TAB2: variants seen among roughly 807,000 people sequenced by gnomAD.
TAB2 encodes the protein TGF-beta activated kinase 1 (MAP3K7) binding protein 2.
In TAB2, 3 loss-of-function variants were observed where a neutral mutation model predicts 65.0. The observed-to-expected ratio is 0.05, with a 90% CI of 0.02 to 0.12. The LOEUF (loss-of-function observed/expected upper bound fraction) is 0.12. TAB2 is among the 10% of genes least tolerant of loss of function. The pLI is 1.00. For synonymous variants in TAB2, 298 were observed against 285.1 expected, an observed-to-expected ratio of 1.05 and a Z score of -0.46; for missense variants, 623 against 840.3, an observed-to-expected ratio of 0.74 and a Z score of 3.20.
intron 1 of TAB2, among the ~76,000 whole-genome samples, chr6:149,260,738 G>A (rs1234934999): frequency 6.6e-6 from 1 of 152,182 alleles, no homozygotes; most frequent in Admixed American, 6.5e-5. Flanking sequence ...AGCCTGCTGG[G>A]TGCTGAAAGT....
At chr6:149,407,636 A>G (rs1782709784) in intron 6 of TAB2, among the ~76,000 whole-genome samples, 1 of 152,154 alleles carries the variant, frequency 6.6e-6, no homozygotes, top group African/African-American at 2.4e-5. Context: ...ATGAATAGAA[A>G]TTTAGTCCTT....
chr6:149,315,921 G>A (rs1276462194), upstream of TAB2, among the ~76,000 whole-genome samples: 5 of 152,072 alleles, frequency 3.3e-5, no homozygotes, highest in Non-Finnish European at 7.4e-5. Flanking sequence ...ATACGTACAT[G>A]TACATTCCAT....
At chr6:149,356,601 T>C (rs960104004) in intron 1 of TAB2, among the ~76,000 whole-genome samples, 3 of 152,138 alleles carry the variant, frequency 2.0e-5, no homozygotes, top group African/African-American at 7.2e-5. Context: ...CTCGGGCCTC[T>C]TTTATAAGGC....
At chr6:149,393,843 AT>A (rs59155428) in intron 3 of TAB2, among the ~76,000 whole-genome samples, 19,535 of 151,998 alleles carry the variant, frequency 0.13, 1,327 homozygotes, top group African/African-American at 0.18. Context: ...CTAAAGTCAG[AT>A]TTTTTTCTGA....
intron 1 of TAB2, among the ~76,000 whole-genome samples, chr6:149,348,209 A>T (rs1780365686): frequency 6.6e-6 from 1 of 152,078 alleles, no homozygotes; most frequent in Non-Finnish European, 1.5e-5. Flanking sequence ...CCTTGGCAAT[A>T]TAGGGAGAGC....
chr6:149,340,739 T>C (rs988257976), intron 1 of TAB2, among the ~76,000 whole-genome samples: 2 of 152,202 alleles, frequency 1.3e-5, no homozygotes, highest in African/African-American at 4.8e-5. Flanking sequence ...AGGAATGCAG[T>C]AATTCAGTCT....
intron 1 of TAB2, among the ~76,000 whole-genome samples, chr6:149,309,272 T>TTTACATATAC (rs1779125122): frequency 2.0e-5 from 3 of 151,710 alleles, no homozygotes; most frequent in Non-Finnish European, 2.9e-5. Flanking sequence ...ATATATGCTG[T>TTTACATATAC]TTTACATATG....
intron 1 of TAB2, among the ~76,000 whole-genome samples, chr6:149,226,594 A>G (rs1220161801): frequency 2.0e-5 from 3 of 152,334 alleles, no homozygotes; most frequent in East Asian, 1.9e-4. Flanking sequence ...CTCCTCGGGA[A>G]CAAGTCAGAA....
upstream of TAB2, among the ~76,000 whole-genome samples, chr6:149,218,470 T>G (rs1453117696): frequency 6.6e-6 from 1 of 152,224 alleles, no homozygotes; most frequent in Non-Finnish European, 1.5e-5. Flanking sequence ...AGAGTGGCAT[T>G]AAGCCTGAAA....
At chr6:149,284,907 A>G (rs1443758792) in intron 1 of TAB2, among the ~76,000 whole-genome samples, 1 of 152,154 alleles carries the variant, frequency 6.6e-6, no homozygotes, top group African/African-American at 2.4e-5. Context: ...TGCCAAGTCC[A>G]TCATCCCCAC....
intron 1 of TAB2, among the ~76,000 whole-genome samples, chr6:149,237,852 G>T (rs953202639): frequency 6.6e-6 from 1 of 152,076 alleles, no homozygotes; most frequent in African/African-American, 2.4e-5. Context: ...CAAGCACCAC[G>T]CCACCCCACT....
At position 149,379,536 on chromosome 6, in the gene TAB2, G is replaced by A. The variant is rs1781540421; in HGVS notation, c.1603+18G>A. The A allele has an allele frequency of 1.2e-6, 2 of 1,613,382 alleles. No individual in the cohort carries two copies. The highest frequency in any genetic ancestry group is 8.5e-7 in the Non-Finnish European group (1 of 1,179,530). On this transcript the variant is annotated intron_variant, in intron 3 of 6. Transcript: ENST00000637181. ...CACACAAGGTAATATGAATACTAAAGGTGGGATGGTTTTCCATGCTGGGCT... is the reference window on the plus strand; with the variant it reads ...CACACAAGGTAATATGAATACTAAAAGTGGGATGGTTTTCCATGCTGGGCT...
intron 1 of TAB2, among the ~76,000 whole-genome samples, chr6:149,259,739 G>A (rs2114665947): frequency 6.6e-6 from 1 of 152,282 alleles, no homozygotes; most frequent in Admixed American, 6.5e-5. Context: ...ATGGTGCTGA[G>A]AGGTCCATCA....
intron 1 of TAB2, among the ~76,000 whole-genome samples, chr6:149,280,947 AAAAG>A (rs1465445820): frequency 1.3e-5 from 2 of 151,868 alleles, no homozygotes; most frequent in African/African-American, 2.4e-5. Flanking sequence ...AAAAAAAAAA[AAAAG>A]AAGTTGAAAG....
chr6:149,368,680 T>TGTGTGTGTGTGTG (rs1781121778), intron 1 of TAB2, among the ~76,000 whole-genome samples: 1 of 149,264 alleles, frequency 6.7e-6, no homozygotes, highest in African/African-American at 2.4e-5. Flanking sequence ...TGTGTGTGTG[T>TGTGTGTGTGTGTG]TTACACAGAA....
intron 1 of TAB2, among the ~76,000 whole-genome samples, chr6:149,308,766 T>C (rs1266856488): frequency 6.6e-6 from 1 of 152,140 alleles, no homozygotes; most frequent in Non-Finnish European, 1.5e-5. Flanking sequence ...GACATCATGA[T>C]TCGTCCACCT....
chr6:149,263,414 A>G (rs1778193645), intron 1 of TAB2, among the ~76,000 whole-genome samples: 1 of 152,228 alleles, frequency 6.6e-6, no homozygotes, highest in South Asian at 2.1e-4. Context: ...CCTCAATTTC[A>G]TTTGGCAGCC....
intron 1 of TAB2, among the ~76,000 whole-genome samples, chr6:149,340,129 T>C (rs996502193): frequency 6.6e-6 from 1 of 152,204 alleles, no homozygotes; most frequent in African/African-American, 2.4e-5. Flanking sequence ...CTTTTAAGTT[T>C]CATCAAGTAG....
At chr6:149,379,952 A>G (rs1363184594) in intron 3 of TAB2, 1 of 452,840 alleles carries the variant, frequency 2.2e-6, no homozygotes, top group Non-Finnish European at 4.4e-6. Flanking sequence ...AGAATAAGTA[A>G]TTCTTGGCTG....
Sources: allele counts gnomAD v4.1 joint callset (sites outside exome capture counted in the v4.1 genomes callset), GRCh38; gene constraint gnomAD v4.1.1; transcripts MANE v1.5; gene names NCBI Gene and HGNC (gene_info 2026-07-23, HGNC 2026-07-21).